The following AKAP6 variants were observed in gnomAD, a reference collection of about 807,000 sequenced individuals.
The protein encoded by AKAP6 is A-kinase anchor protein 6.
Under a neutral mutation model 188.5 loss-of-function variants are expected in AKAP6, and 58 were observed. The observed-to-expected ratio is 0.31, with a 90% CI of 0.25 to 0.38. AKAP6 has a LOEUF of 0.38. Among genes scored for constraint, AKAP6 ranks in the 10% least tolerant of loss-of-function variants. The probability of loss-of-function intolerance (pLI) is 1.00; values close to 1 mark genes in which losing one functional copy is unlikely to be tolerated. For missense variants in AKAP6, 2,710 were observed against 2,740.0 expected (o/e 0.99, Z 0.24); for synonymous variants, 989 against 998.6 (o/e 0.99, Z 0.18).
chr14:32,504,076 T>G (rs1267836173), intron 2 of AKAP6, among the ~76,000 whole-genome samples: 1 of 152,012 alleles, frequency 6.6e-6, no homozygotes, highest in East Asian at 1.9e-4. Context: ...TATTTTATTA[T>G]TCAATTTTTC....
At chr14:32,333,657 G>A (rs1178273378) in intron 1 of AKAP6, among the ~76,000 whole-genome samples, 1 of 150,866 alleles carries the variant, frequency 6.6e-6, no homozygotes, top group African/African-American at 2.4e-5. Context: ...TTTTTTTCTT[G>A]CATGGGTTTG....
chr14:32,376,937 C>T (rs1027795554), intron 1 of AKAP6, among the ~76,000 whole-genome samples: 2 of 152,168 alleles, frequency 1.3e-5, no homozygotes, highest in African/African-American at 2.4e-5. Context: ...GCATGTGATC[C>T]GCCCACCTCA....
chr14:32,766,565 A>G (rs2032726019), intron 11 of AKAP6, among the ~76,000 whole-genome samples: 1 of 152,228 alleles, frequency 6.6e-6, no homozygotes, highest in East Asian at 1.9e-4. Context: ...ATATCTAATC[A>G]TGGCTTACAT....
intron 2 of AKAP6, among the ~76,000 whole-genome samples, chr14:32,447,703 A>T (rs1200322016): frequency 6.6e-6 from 1 of 152,232 alleles, no homozygotes; most frequent in Non-Finnish European, 1.5e-5. Flanking sequence ...CAAAATTATC[A>T]GTGTATCACA....
At chr14:32,342,590 T>C (rs1448296969) in intron 1 of AKAP6, among the ~76,000 whole-genome samples, 2 of 152,206 alleles carry the variant, frequency 1.3e-5, no homozygotes, top group East Asian at 3.9e-4. Flanking sequence ...CCTATCTCCA[T>C]GATCTTTCTG....
intron 1 of AKAP6, among the ~76,000 whole-genome samples, chr14:32,404,760 T>C (rs1889231284): frequency 7.6e-6 from 1 of 131,652 alleles, no homozygotes; most frequent in African/African-American, 2.8e-5. Flanking sequence ...ATTGGGTAAT[T>C]TTCAGAGTTA....
chr14:32,552,994 CAGAAGGCAGGAGG>C (rs139308777), intron 4 of AKAP6, among the ~76,000 whole-genome samples: 2,004 of 152,174 alleles, frequency 0.013, 50 homozygotes, highest in African/African-American at 0.046. Context: ...TCACACAGAG[CAGAAGGCAGGAGG>C]CACATAGAAG....
intron 1 of AKAP6, among the ~76,000 whole-genome samples, chr14:32,357,842 G>A (rs931934320): frequency 1.3e-5 from 2 of 152,218 alleles, no homozygotes; most frequent in South Asian, 2.1e-4. Context: ...AGTGGCGCCC[G>A]TGTGTAATGC....
chr14:32,395,636 A>G (rs1888855952), intron 1 of AKAP6, among the ~76,000 whole-genome samples: 1 of 152,148 alleles, frequency 6.6e-6, no homozygotes, highest in Non-Finnish European at 1.5e-5. Context: ...TCCAGAAGTA[A>G]TCTTATGTTG....
At chr14:32,804,755 G>C (rs538434694) in intron 12 of AKAP6, among the ~76,000 whole-genome samples, 3 of 152,048 alleles carry the variant, frequency 2.0e-5, no homozygotes, top group African/African-American at 4.8e-5. Flanking sequence ...TATCTCAACC[G>C]TGTAAGACAG....
chr14:32,534,582 T>A (rs962723700), intron 2 of AKAP6, among the ~76,000 whole-genome samples: 1 of 152,182 alleles, frequency 6.6e-6, no homozygotes, highest in Non-Finnish European at 1.5e-5. Context: ...CAAAATTGTA[T>A]TTTGTCTTTT....
At chr14:32,642,583 A>G (rs1887806973) in intron 7 of AKAP6, among the ~76,000 whole-genome samples, 1 of 152,194 alleles carries the variant, frequency 6.6e-6, no homozygotes, top group Non-Finnish European at 1.5e-5. Flanking sequence ...AAATGGGCTC[A>G]GAGGAGAGCA....
chr14:32,570,179 G>A (rs949661869), intron 4 of AKAP6, among the ~76,000 whole-genome samples: 17 of 123,020 alleles, frequency 1.4e-4, no homozygotes, highest in African/African-American at 4.2e-4. Context: ...TCACCAAACC[G>A]GAGTGCAGTG....
chr14:32,515,760 T>C (rs1881490401), intron 2 of AKAP6, among the ~76,000 whole-genome samples: 1 of 152,190 alleles, frequency 6.6e-6, no homozygotes, highest in Non-Finnish European at 1.5e-5. Flanking sequence ...TTCATGATCA[T>C]CTTGAAGCTT....
intron 1 of AKAP6, among the ~76,000 whole-genome samples, chr14:32,395,578 T>C (rs947965159): frequency 3.3e-5 from 5 of 152,208 alleles, no homozygotes; most frequent in African/African-American, 9.6e-5. Context: ...TTCTCACTTT[T>C]TAAGCTAGAA....
chr14:32,684,833 T>C (rs570653608), intron 8 of AKAP6, among the ~76,000 whole-genome samples: 1 of 151,982 alleles, frequency 6.6e-6, no homozygotes, highest in East Asian at 1.9e-4. Flanking sequence ...ATTAACGAAA[T>C]ATTTATTTTC....
chr14:32,577,318 A>G (rs956919399), intron 5 of AKAP6, 76 bp downstream of exon 5: 1 of 1,549,010 alleles, frequency 6.5e-7, no homozygotes, highest in Non-Finnish European at 8.7e-7. Context: ...TATGAGAAAT[A>G]TCAATTTTAT....
chr14:32,352,129 G>C (rs903355909), intron 1 of AKAP6, among the ~76,000 whole-genome samples: 1 of 149,672 alleles, frequency 6.7e-6, no homozygotes, highest in Admixed American at 6.7e-5. Context: ...GTGTGTGTGT[G>C]TGTGTGAAGG....
At position 32,821,484 on chromosome 14, in the gene AKAP6, T is replaced by C; in HGVS notation, c.3671T>C (p.Ile1224Thr). 6.2e-7 allele frequency: 1 copy of C among 1,613,730 alleles called. No homozygotes were observed. Among genetic ancestry groups the C allele is most frequent in the Non-Finnish European group, 8.5e-7 (1 of 1,179,790 alleles). Residue 1224 changes from isoleucine to threonine, a missense_variant, in exon 13 of 14, where the codon ATA (isoleucine) becomes ACA (threonine). Ile to Thr is a moderately conservative substitution (Grantham distance 89). Transcript: ENST00000280979. Reference protein sequence around the residue: ...EDALEWDEMDISNKLISLNEE... With the variant: ...EDALEWDEMDTSNKLISLNEE... ...GCCCTGGAATGGGATGAAATGGACA[T>C]AAGTAACAAGTTAATTAGTTTGAAT...
Sources: gnomAD v4.1 joint callset for allele counts (sites outside exome capture counted in the v4.1 genomes callset) on GRCh38, gnomAD v4.1.1 for gene constraint, MANE v1.5 for transcripts, NCBI Gene and HGNC (gene_info 2026-07-23, HGNC 2026-07-21) for gene names.